FAM83G: variants seen among roughly 807,000 people sequenced by gnomAD.
FAM83G encodes protein FAM83G.
FAM83G carries 38 observed loss-of-function variants against 61.5 expected under a neutral mutation model. The observed-to-expected ratio is 0.62, with a 90% CI of 0.48 to 0.81. The LOEUF (loss-of-function observed/expected upper bound fraction) is 0.81, where lower values mean the gene tolerates loss of function less well. Ranked by LOEUF, FAM83G falls within the 30% of genes least tolerant of loss-of-function variation. The probability of loss-of-function intolerance (pLI) is 0.00; values close to 1 mark genes in which losing one functional copy is unlikely to be tolerated. For synonymous variants in FAM83G, 470 were observed against 476.1 expected (o/e 0.99, Z 0.17); for missense variants, 989 against 1,133.6 (o/e 0.87, Z 1.83).
intron 2 of FAM83G, among the ~76,000 whole-genome samples, chr17:18,994,844 CCAAA>C (rs762388584): frequency 5.9e-5 from 9 of 152,166 alleles, no homozygotes; most frequent in South Asian, 2.1e-4. Flanking sequence ...ACAAAAGCAG[CCAAA>C]CAAAGTATAT....
At chr17:18,974,336 T>C (rs1330033877) in intron 5 of FAM83G, among the ~76,000 whole-genome samples, 1 of 152,226 alleles carries the variant, frequency 6.6e-6, no homozygotes, top group Non-Finnish European at 1.5e-5. Flanking sequence ...GGCTCATCCA[T>C]GACAAGTAGG....
At chr17:19,004,818 C>G (rs2043837895), upstream of FAM83G, 1 of 151,562 alleles carries the variant, frequency 6.6e-6, no homozygotes, top group East Asian at 1.9e-4. The surrounding 1 kb of genome is among the most constrained non-coding windows in gnomAD (Gnocchi z 5.4). Flanking sequence ...CCCGCCGCCG[C>G]CACCTGCGGT....
At chr17:18,990,447 C>G (rs989697653) in intron 2 of FAM83G, among the ~76,000 whole-genome samples, 1 of 152,152 alleles carries the variant, frequency 6.6e-6, no homozygotes, top group Non-Finnish European at 1.5e-5. Context: ...AACAGCCTCA[C>G]GTGCCACCCT....
intron 5 of FAM83G, among the ~76,000 whole-genome samples, chr17:18,972,991 T>G (rs2042893428): frequency 6.6e-6 from 1 of 152,192 alleles, no homozygotes; most frequent in Non-Finnish European, 1.5e-5. Context: ...TCCGGCATGC[T>G]GTGCTCACAA....
rs189323437 is a variant in FAM83G, at chr17:18,985,931, T to G, written c.690+2316A>C. ...AGGGCCTGGGATTTAGAATGTGTGGTTCTTGCCAGTAGCTGTATAACTTTC... is the reference window on the plus strand; with the variant it reads ...AGGGCCTGGGATTTAGAATGTGTGGGTCTTGCCAGTAGCTGTATAACTTTC... On this transcript the variant is annotated intron_variant, in intron 3 of 5. Coordinates refer to ENST00000388995, the MANE Select transcript of FAM83G (RefSeq NM_001039999.3). 2.1e-3 allele frequency among the ~76,000 whole-genome samples: 313 copies of G among 152,342 alleles called. 1 individual carries two copies. Among genetic ancestry groups the G allele is most frequent in the African/African-American group, 6.9e-3 (285 of 41,586 alleles).
chr17:18,995,281 T>C (rs1371567436), intron 2 of FAM83G, among the ~76,000 whole-genome samples: 1 of 152,176 alleles, frequency 6.6e-6, no homozygotes, highest in East Asian at 1.9e-4. Context: ...GGTAGAGATG[T>C]GGAAGCTTTT....
At chr17:19,005,522 C>G (rs895572182), upstream of FAM83G, among the ~76,000 whole-genome samples, 1 of 152,162 alleles carries the variant, frequency 6.6e-6, no homozygotes, top group Non-Finnish European at 1.5e-5. Flanking sequence ...CCAGTCTGCC[C>G]GGCACCAGGC....
chr17:18,997,898 A>C (rs1674418128), intron 2 of FAM83G, among the ~76,000 whole-genome samples: 1 of 152,192 alleles, frequency 6.6e-6, no homozygotes. Flanking sequence ...TTCCCATTTA[A>C]ATCTCACTGA....
rs1344649708 is a variant in FAM83G at position 19,004,761 on chromosome 17, C to G, written c.-181G>C. ...ACACGCGGCGGCTGCGGCGGCGGCG[C>G]GAGGCTGGGCGGGGGCGCGCCGGTG... On this transcript the variant is annotated 5_prime_UTR_variant, in exon 1 of 6. Transcript: ENST00000388995. This position sits in a 1 kb window ranked among gnomAD's most constrained non-coding sequence, Gnocchi z 5.4. 1 of 149,824 alleles carries G rather than the reference C, an allele frequency of 6.7e-6. No individual in the cohort carries two copies. Among genetic ancestry groups the G allele is most frequent in the Non-Finnish European group, 1.5e-5 (1 of 67,088 alleles). 9.3% of individuals were successfully genotyped at this position (149,824 alleles called of 1,614,324 possible).
rs1162390352 is a variant in FAM83G, at chr17:18,996,113, CAAT to C, written c.522+7404_522+7406del. ...TCACTGCAAGCCACAAGACAACAGG[CAAT>C]ATCTTTAAAGTACTAAATGGAAAAA... On this transcript the variant is annotated intron_variant, in intron 2 of 5. Transcript: ENST00000388995. This position sits in a 1 kb window ranked among gnomAD's most constrained non-coding sequence, Gnocchi z 4.4. 6.8e-6 allele frequency among the ~76,000 whole-genome samples: 1 copy of C among 146,934 alleles called. No homozygotes were observed. The highest frequency in any genetic ancestry group is 1.5e-5 in the Non-Finnish European group (1 of 67,238).
chr17:18,977,114 T>C (rs1386997021), intron 5 of FAM83G: 3 of 1,321,620 alleles, frequency 2.3e-6, no homozygotes, highest in Non-Finnish European at 3.1e-6. Context: ...ACCTGGGGAG[T>C]GGGGAGAGTG....
At chr17:19,005,465 A>G (rs2043859234), upstream of FAM83G, among the ~76,000 whole-genome samples, 1 of 152,158 alleles carries the variant, frequency 6.6e-6, no homozygotes, top group Admixed American at 6.5e-5. Flanking sequence ...AGCAAAGCCC[A>G]TTAAATCTGG....
chr17:19,001,540 C>T (rs2043729943), intron 2 of FAM83G, among the ~76,000 whole-genome samples: 1 of 152,246 alleles, frequency 6.6e-6, no homozygotes, highest in Non-Finnish European at 1.5e-5. Flanking sequence ...GGCACCCAAA[C>T]TGGAGACCAG....
Position 19,004,333 on chromosome 17 carries a change from A to C in FAM83G, c.-128-164T>G. 2 of 370,908 alleles carry C rather than the reference A, an allele frequency of 5.4e-6. No individual in the cohort carries two copies. The highest frequency in any genetic ancestry group is 9.8e-6 in the Non-Finnish European group (2 of 204,766). 23.0% of individuals were successfully genotyped at this position (370,908 alleles called of 1,614,324 possible). A position where few individuals can be genotyped will look rare whatever the true frequency, so the allele number is the denominator to read the frequency against. On this transcript the variant is annotated intron_variant, in intron 1 of 5. Coordinates refer to ENST00000388995, the MANE Select transcript of FAM83G (RefSeq NM_001039999.3). This position sits in a 1 kb window ranked among gnomAD's most constrained non-coding sequence, Gnocchi z 5.4. ...CACTGGACTGGGATGGGAAGAAAGT[A>C]AGGGATCGGAACAGCGGTGAGGGAG...
intron 3 of FAM83G, among the ~76,000 whole-genome samples, chr17:18,984,933 G>A (rs184517290): frequency 2.6e-5 from 4 of 152,368 alleles, no homozygotes; most frequent in Admixed American, 6.5e-5. Flanking sequence ...GAATGGCTGG[G>A]AGCCCCACAT....
Position 19,003,993 on chromosome 17 carries a change from G to A in FAM83G, c.49C>T (p.Arg17Cys). The A allele has an allele frequency of 1.2e-6, 2 of 1,611,888 alleles. No homozygotes were observed. The highest frequency in any genetic ancestry group is 1.7e-6 in the Non-Finnish European group (2 of 1,179,370). The change falls in exon 2 of 6, where the codon CGC (arginine) becomes TGC (cysteine). Residue 17 changes from arginine (R) to cysteine (C), a missense_variant. By Grantham distance (180) the Arg-to-Cys change is radical (BLOSUM62 -3). Around this residue, in one of 3 missense-constraint regions of FAM83G, gnomAD observed 371 missense variants for 404.5 expected, o/e 0.92. Transcript: ENST00000388995. This position sits in a 1 kb window ranked among gnomAD's most constrained non-coding sequence, Gnocchi z 4.5. The stretch of plus-strand genomic sequence containing the variant: ...AACTCAGGCTTGGACTCGCTGGAGC[G>A]CCAGTTCACATGGTTGTCGTCCAGA... ...QCLDDNHVNW[R>C]SSESKPEFFY...
intron 3 of FAM83G, among the ~76,000 whole-genome samples, chr17:18,986,879 A>G (rs2043282851): frequency 6.6e-6 from 1 of 152,222 alleles, no homozygotes; most frequent in South Asian, 2.1e-4. Flanking sequence ...GCCTTTCCAC[A>G]CTGGCTCTCT....
rs995554828 is a variant in FAM83G, at chr17:18,971,873, A to G, written c.2083-125T>C. 13 of 1,024,720 alleles carry G rather than the reference A, an allele frequency of 1.3e-5. No homozygotes were observed. The African/African-American group carries it at 2.1e-4, about 17-fold the overall frequency. The allele number at this position is 1,024,720 out of a possible 1,614,324, so 63.5% of individuals were successfully genotyped here. ...TCGCCTCCTGGCTCTGCCATTCACCAGGGAGTGGGCCTAGACCAGTTGGTT... is the reference window on the plus strand; with the variant it reads ...TCGCCTCCTGGCTCTGCCATTCACCGGGGAGTGGGCCTAGACCAGTTGGTT... On this transcript the variant is annotated intron_variant, in intron 5 of 5. Transcript: ENST00000388995. The surrounding 1 kb of genome is among the most constrained non-coding windows in gnomAD (Gnocchi z 5.5).
At chr17:18,979,423 C>G in intron 4 of FAM83G, 126 bp downstream of exon 4, 1 of 1,179,644 alleles carries the variant, frequency 8.5e-7, no homozygotes. Flanking sequence ...TGTGCTCCAG[C>G]CCTGCGCACA....
Sources: gnomAD v4.1 joint callset for allele counts (sites outside exome capture counted in the v4.1 genomes callset) on GRCh38, gnomAD v4.1.1 for gene constraint, gnomAD v4.1.1 regional missense constraint, Gnocchi (gnomAD v3.1) non-coding constraint, MANE v1.5 for transcripts, NCBI Gene and HGNC (gene_info 2026-07-23, HGNC 2026-07-21) for gene names.